FHIP1A: variants seen among roughly 807,000 people sequenced by gnomAD.
FHIP1A encodes FHF complex subunit HOOK-interacting protein 1A.
A neutral mutation model predicts 88.6 loss-of-function variants in FHIP1A; 61 were observed. That is an observed-to-expected ratio of 0.69 (90% CI 0.56 to 0.85). The LOEUF (loss-of-function observed/expected upper bound fraction) is 0.85, where lower values mean the gene tolerates loss of function less well. Among genes scored for constraint, FHIP1A ranks in the 40% least tolerant of loss-of-function variants. FHIP1A has a pLI of 0.00. For missense variants in FHIP1A, 1,154 were observed against 1,273.5 expected (o/e 0.91, Z 1.43); for synonymous variants, 478 against 496.0 (o/e 0.96, Z 0.48).
intron 2 of FHIP1A, among the ~76,000 whole-genome samples, chr4:151,457,924 A>G (rs1729021083): frequency 6.6e-6 from 1 of 152,244 alleles, no homozygotes; most frequent in African/African-American, 2.4e-5. Context: ...CCAAACAGGA[A>G]ATCCAGATTT....
intron 1 of FHIP1A, among the ~76,000 whole-genome samples, chr4:151,418,764 C>T (rs565731200): frequency 2.6e-5 from 4 of 152,264 alleles, no homozygotes; most frequent in African/African-American, 9.6e-5. Context: ...CAAAGTAAAC[C>T]ATAAGGAGTT....
chr4:151,495,889 C>G (rs1200869929), intron 3 of FHIP1A, among the ~76,000 whole-genome samples: 1 of 152,080 alleles, frequency 6.6e-6, no homozygotes, highest in Non-Finnish European at 1.5e-5. Flanking sequence ...ACCCAAAGTG[C>G]TGAGATTACA....
intron 7 of FHIP1A, among the ~76,000 whole-genome samples, chr4:151,629,399 T>G (rs572856074): frequency 1.3e-5 from 2 of 152,382 alleles, no homozygotes; most frequent in Non-Finnish European, 1.5e-5. Context: ...TTCTTCATTT[T>G]TGATTACACT....
chr4:151,578,458 C>G (rs1733895428), intron 5 of FHIP1A, among the ~76,000 whole-genome samples: 1 of 152,186 alleles, frequency 6.6e-6, no homozygotes, highest in Non-Finnish European at 1.5e-5. Flanking sequence ...AAGACCTCCA[C>G]TGCTAGTTTC....
chr4:151,655,001 G>A (rs529685438), intron 11 of FHIP1A, among the ~76,000 whole-genome samples: 58 of 152,270 alleles, frequency 3.8e-4, no homozygotes, highest in African/African-American at 1.1e-3. Flanking sequence ...TAAAGGTTTC[G>A]GTTTGGTGTT....
chr4:151,481,841 C>T (rs1235887891), intron 2 of FHIP1A, among the ~76,000 whole-genome samples: 1 of 152,070 alleles, frequency 6.6e-6, no homozygotes, highest in Non-Finnish European at 1.5e-5. Flanking sequence ...CTGTCTTGGA[C>T]ACCTCTACGT....
At chr4:151,653,841 A>AG (rs1361752266) in intron 11 of FHIP1A, among the ~76,000 whole-genome samples, 4 of 152,138 alleles carry the variant, frequency 2.6e-5, no homozygotes, top group African/African-American at 9.7e-5. Context: ...CGATGGAGGC[A>AG]GGGGAACGGG....
intron 1 of FHIP1A, among the ~76,000 whole-genome samples, chr4:151,435,273 C>T (rs1028126210): frequency 3.9e-5 from 6 of 152,244 alleles, no homozygotes; most frequent in African/African-American, 1.4e-4. Flanking sequence ...TCTCTCCTCC[C>T]TCCACCCTCT....
At chr4:151,589,363 A>G (rs1734339451) in intron 7 of FHIP1A, among the ~76,000 whole-genome samples, 1 of 152,222 alleles carries the variant, frequency 6.6e-6, no homozygotes, top group Admixed American at 6.5e-5. Context: ...TATTGTAACA[A>G]TTTTGTGACA....
intron 3 of FHIP1A, among the ~76,000 whole-genome samples, chr4:151,521,620 T>C (rs1202737720): frequency 6.6e-6 from 1 of 152,248 alleles, no homozygotes; most frequent in African/African-American, 2.4e-5. Flanking sequence ...CGGACTGTTA[T>C]ATCTGCCTTC....
chr4:151,657,708 G>A (rs1179175305), intron 13 of FHIP1A, among the ~76,000 whole-genome samples: 1 of 152,218 alleles, frequency 6.6e-6, no homozygotes, highest in African/African-American at 2.4e-5. Flanking sequence ...CTTTGTGGCA[G>A]ATGAACAGTG....
chr4:151,655,506 T>C (rs1410025247), intron 11 of FHIP1A, among the ~76,000 whole-genome samples: 1 of 152,188 alleles, frequency 6.6e-6, no homozygotes, highest in Non-Finnish European at 1.5e-5. Flanking sequence ...TTTTAAGAAA[T>C]CTGTGACATG....
At chr4:151,610,021 A>C (rs1735263675) in intron 7 of FHIP1A, among the ~76,000 whole-genome samples, 1 of 152,218 alleles carries the variant, frequency 6.6e-6, no homozygotes, top group African/African-American at 2.4e-5. Context: ...CTAGTGAGTA[A>C]GTTTTTTGTG....
intron 3 of FHIP1A, among the ~76,000 whole-genome samples, chr4:151,542,338 T>A (rs1732326069): frequency 6.6e-6 from 1 of 152,224 alleles, no homozygotes; most frequent in African/African-American, 2.4e-5. Context: ...CTTGGTGGAA[T>A]GTGACTTGTC....
intron 3 of FHIP1A, among the ~76,000 whole-genome samples, chr4:151,494,106 T>G (rs1280071318): frequency 6.6e-6 from 1 of 152,202 alleles, no homozygotes; most frequent in African/African-American, 2.4e-5. Context: ...TCCTTATAGA[T>G]TCTGGATATT....
chr4:151,639,580 T>C (rs1312593762), intron 9 of FHIP1A, among the ~76,000 whole-genome samples: 1 of 152,174 alleles, frequency 6.6e-6, no homozygotes, highest in African/African-American at 2.4e-5. Context: ...ATGGTGTACA[T>C]CTTTCCTTCT....
chr4:151,530,922 C>A (rs1731853314), intron 3 of FHIP1A, among the ~76,000 whole-genome samples: 1 of 125,962 alleles, frequency 7.9e-6, no homozygotes, highest in Non-Finnish European at 1.6e-5. Flanking sequence ...TAATAATAAT[C>A]AGGATAATTG....
At chr4:151,606,178 T>A (rs942080617) in intron 7 of FHIP1A, among the ~76,000 whole-genome samples, 1 of 152,132 alleles carries the variant, frequency 6.6e-6, no homozygotes, top group Admixed American at 6.6e-5. Flanking sequence ...GTCTGGGAGA[T>A]AGTAGCGGGG....
intron 2 of FHIP1A, among the ~76,000 whole-genome samples, chr4:151,475,335 G>A (rs1729659224): frequency 6.6e-6 from 1 of 152,178 alleles, no homozygotes; most frequent in African/African-American, 2.4e-5. Flanking sequence ...TTTTCCACAT[G>A]TGAATATATA....
Sources: gnomAD v4.1 joint callset for allele counts (sites outside exome capture counted in the v4.1 genomes callset) on GRCh38, gnomAD v4.1.1 for gene constraint, MANE v1.5 for transcripts, NCBI Gene and HGNC (gene_info 2026-07-23, HGNC 2026-07-21) for gene names.